Variants in VPS41 observed in about 807,000 individuals in gnomAD.
The protein encoded by VPS41 is VPS41 subunit of HOPS complex.
In VPS41, 85 loss-of-function variants were observed where a neutral mutation model predicts 130.9. The observed-to-expected ratio is 0.65, with a 90% CI of 0.55 to 0.78. VPS41 has a LOEUF of 0.78. Ranked by LOEUF, VPS41 falls within the 30% of genes least tolerant of loss-of-function variation. The pLI is 0.00. For synonymous variants in VPS41, 335 were observed against 332.9 expected (o/e 1.01, Z -0.07); for missense variants, 874 against 1,018.7 (o/e 0.86, Z 1.93).
chr7:38,736,336 T>C (rs1467073832), intron 25 of VPS41, among the ~76,000 whole-genome samples: 1 of 152,214 alleles, frequency 6.6e-6, no homozygotes, highest in Admixed American at 6.5e-5. Flanking sequence ...CCTGAAACTA[T>C]GTAACGTATA....
intron 10 of VPS41, 80 bp downstream of exon 10, chr7:38,789,721 G>A (rs1784502254): frequency 7.2e-7 from 1 of 1,396,184 alleles, no homozygotes. Context: ...AAAAGACTAT[G>A]GCAGTCTGGG....
At position 38,827,348 on chromosome 7, in the gene VPS41, A is replaced by T. The variant is rs116973101; in HGVS notation, c.321+2906T>A. 0.014 allele frequency among the ~76,000 whole-genome samples: 2,119 copies of T among 152,312 alleles called. 170 individuals are homozygous for T. The East Asian group carries it at 0.19, about 14-fold the overall frequency. On this transcript the variant is annotated intron_variant, in intron 5 of 28. Coordinates refer to ENST00000310301, the MANE Select transcript of VPS41 (RefSeq NM_014396.4). ...AAGGCTAAAAATGAGAAAGCAAAGT[A>T]TATGTGTGAGACGTCACACAATATG...
At chr7:38,759,358 G>A (rs1783867846) in intron 17 of VPS41, among the ~76,000 whole-genome samples, 1 of 152,210 alleles carries the variant, frequency 6.6e-6, no homozygotes, top group African/African-American at 2.4e-5. Flanking sequence ...GTTGTGTTGT[G>A]AGAGTATAGC....
intron 7 of VPS41, 140 bp downstream of exon 7, chr7:38,817,677 T>A: frequency 2.6e-6 from 2 of 764,204 alleles, no homozygotes; most frequent in Non-Finnish European, 4.6e-6. Flanking sequence ...GAGATGATGA[T>A]CATCAGATTT....
rs1482692191 is a variant in VPS41, at chr7:38,758,216, T to C, written c.1550+138A>G. On this transcript the variant is annotated intron_variant, in intron 18 of 28. Transcript: ENST00000310301. Reference sequence around the variant, plus strand: ...TTATCGCCTACTCATTTGAGGTTTATGAGAGGTTTTTACTAAGAAGGAATG... The same window carrying C: ...TTATCGCCTACTCATTTGAGGTTTACGAGAGGTTTTTACTAAGAAGGAATG... 42 of 726,384 alleles carry C rather than the reference T, an allele frequency of 5.8e-5. 1 individual carries two copies. In the East Asian group the frequency reaches 1.1e-3, roughly 18 times the overall value. The allele number at this position is 726,384 out of a possible 1,614,324, so 45.0% of individuals were successfully genotyped here. A position where few individuals can be genotyped will look rare whatever the true frequency, so the allele number is the denominator to read the frequency against.
At chr7:38,805,410 G>A (rs554642632) in intron 7 of VPS41, among the ~76,000 whole-genome samples, 2 of 152,078 alleles carry the variant, frequency 1.3e-5, no homozygotes, top group Admixed American at 6.5e-5. Flanking sequence ...GTGCACGCCT[G>A]TAGTCCCAGC....
At chr7:38,763,632 ATTTT>A in intron 16 of VPS41, 85 bp from the exon 17 acceptor site, 1 of 837,548 alleles carries the variant, frequency 1.2e-6, no homozygotes, top group Non-Finnish European at 1.8e-6. Context: ...CATAAAGTAT[ATTTT>A]TACTTTAAAA....
At chr7:38,755,884 C>T (rs959788425) in intron 19 of VPS41, among the ~76,000 whole-genome samples, 7 of 152,096 alleles carry the variant, frequency 4.6e-5, no homozygotes, top group African/African-American at 1.4e-4. Context: ...CAAGCAGAGC[C>T]TCTCTACCTG....
At chr7:38,903,417 G>C (rs1787185906) in intron 1 of VPS41, among the ~76,000 whole-genome samples, 2 of 152,144 alleles carry the variant, frequency 1.3e-5, no homozygotes, top group African/African-American at 4.8e-5. Flanking sequence ...ACATACTGTT[G>C]GGGAAGAAAA....
At chr7:38,845,485 T>C (rs1288497096) in intron 4 of VPS41, among the ~76,000 whole-genome samples, 1 of 152,108 alleles carries the variant, frequency 6.6e-6, no homozygotes. Context: ...AAATCTAGAG[T>C]TGGAGCTCAT....
At chr7:38,785,464 T>C (rs1019406859) in intron 10 of VPS41, among the ~76,000 whole-genome samples, 1 of 152,246 alleles carries the variant, frequency 6.6e-6, no homozygotes, top group Non-Finnish European at 1.5e-5. Context: ...TAATTCCGTA[T>C]TTTATAATCA....
At chr7:38,736,635 C>T (rs1208386663) in intron 25 of VPS41, among the ~76,000 whole-genome samples, 3 of 152,202 alleles carry the variant, frequency 2.0e-5, no homozygotes, top group South Asian at 2.1e-4. Flanking sequence ...GTGAGAGATA[C>T]ACAGGATATG....
chr7:38,866,247 C>A (rs1246974769), intron 3 of VPS41, among the ~76,000 whole-genome samples: 2 of 152,094 alleles, frequency 1.3e-5, no homozygotes, highest in Non-Finnish European at 2.9e-5. Flanking sequence ...TTAACGAGCT[C>A]AGGTCTTATT....
At chr7:38,794,203 T>A (rs1784580643) in intron 9 of VPS41, among the ~76,000 whole-genome samples, 2 of 152,180 alleles carry the variant, frequency 1.3e-5, no homozygotes, top group Admixed American at 1.3e-4. Context: ...AATATAAATT[T>A]ATTGGATGAG....
chr7:38,862,912 G>T (rs1031814918), intron 3 of VPS41, among the ~76,000 whole-genome samples: 2 of 152,136 alleles, frequency 1.3e-5, no homozygotes, highest in African/African-American at 4.8e-5. Flanking sequence ...ATGGACTGAG[G>T]CAGTAAATTA....
At position 38,823,582 on chromosome 7, in the gene VPS41, G is replaced by A. The variant is rs1260151858; in HGVS notation, c.322-2317C>T. On this transcript the variant is annotated intron_variant, in intron 5 of 28. Transcript: ENST00000310301. ...TTATTTTAATCTTGGTAAGTTCTGA[G>A]TGGTTCATTCTTTCAAGCCCCAAGC... Among the ~76,000 whole-genome samples the A allele has an allele frequency of 3.3e-5, 5 of 152,176 alleles. No individual in the cohort carries two copies. The East Asian group carries it at 9.6e-4, about 29-fold the overall frequency.
chr7:38,818,247 A>AC (rs1785099384), intron 6 of VPS41, among the ~76,000 whole-genome samples: 1 of 85,332 alleles, frequency 1.2e-5, no homozygotes, highest in Non-Finnish European at 2.1e-5. Flanking sequence ...CAGAAAACAA[A>AC]ACAAAAAAAA....
intron 9 of VPS41, among the ~76,000 whole-genome samples, chr7:38,792,858 C>T (rs538120872): frequency 9.9e-5 from 15 of 152,218 alleles, no homozygotes; most frequent in Admixed American, 8.5e-4. Context: ...TCCACATCTG[C>T]TCCACTCACT....
In VPS41 at chr7:38,842,102, A is replaced by ACT. The variant is rs542765743; in HGVS notation, c.247-11776_247-11775dup. On this transcript the variant is annotated intron_variant, in intron 4 of 28. Coordinates refer to ENST00000310301, the MANE Select transcript of VPS41 (RefSeq NM_014396.4). ...TCTGTATTCTCAATTTCACCTAATGACTCTCAGTCCACTTAGCTATCTAAG... is the reference window on the plus strand; with the variant it reads ...TCTGTATTCTCAATTTCACCTAATGACTCTCTCAGTCCACTTAGCTATCTAAG... Among the ~76,000 whole-genome samples the ACT allele has an allele frequency of 4.6e-4, 70 of 152,192 alleles. 3 individuals are homozygous for ACT. The East Asian group carries it at 6.7e-3, about 15-fold the overall frequency.
Sources: allele counts gnomAD v4.1 joint callset (sites outside exome capture counted in the v4.1 genomes callset), GRCh38; gene constraint gnomAD v4.1.1; transcripts MANE v1.5; gene names NCBI Gene and HGNC (gene_info 2026-07-23, HGNC 2026-07-21).